Variants in DIAPH2 observed in about 807,000 individuals in gnomAD.
DIAPH2 encodes diaphanous related formin 2.
DIAPH2 carries 35 observed loss-of-function variants against 92.7 expected under a neutral mutation model. The observed-to-expected ratio is 0.38, with a 90% CI of 0.29 to 0.50. The LOEUF is 0.50. Ranked by LOEUF, DIAPH2 falls within the 20% of genes least tolerant of loss-of-function variation. The pLI is 0.94. For missense variants in DIAPH2, 701 were observed against 819.5 expected (o/e 0.86, Z 1.77); for synonymous variants, 301 against 280.4 (o/e 1.07, Z -0.73).
intron 24 of DIAPH2, among the ~76,000 whole-genome samples, chrX:97,350,581 G>T (rs752007298): frequency 1.8e-5 from 2 of 111,788 alleles, no homozygotes. Flanking sequence ...AAAAATGTAA[G>T]AATATTATTG....
chrX:96,939,614 A>C (rs866406764), intron 12 of DIAPH2, among the ~76,000 whole-genome samples: 1 of 59,945 alleles, frequency 1.7e-5, no homozygotes, highest in African/African-American at 5.4e-5. Context: ...ACACACACAC[A>C]CATATACACA....
At chrX:96,947,659 C>T (rs1484741386) in intron 14 of DIAPH2, among the ~76,000 whole-genome samples, 1 of 111,534 alleles carries the variant, frequency 9.0e-6, no homozygotes, top group African/African-American at 3.3e-5. Flanking sequence ...TTTATAATTT[C>T]CAAAGGTCAA....
chrX:97,148,849 C>T (rs893383296), intron 22 of DIAPH2, among the ~76,000 whole-genome samples: 4 of 110,811 alleles, frequency 3.6e-5, no homozygotes, highest in Admixed American at 9.6e-5. Context: ...AGGAGGACAC[C>T]GGTATTTAAC....
chrX:97,461,723 C>G (rs2070460223), intron 26 of DIAPH2, among the ~76,000 whole-genome samples: 1 of 111,668 alleles, frequency 9.0e-6, no homozygotes, highest in South Asian at 3.8e-4. Context: ...CTATTACAGT[C>G]TCCTACACCC....
chrX:96,852,165 G>A lies in DIAPH2; in HGVS notation c.448-29414G>A, dbSNP rs192151986. Among the ~76,000 whole-genome samples, 297 of 111,996 alleles carry A rather than the reference G, an allele frequency of 2.7e-3. 2 individuals are homozygous for A. The highest frequency in any genetic ancestry group is 4.9e-3 in the Non-Finnish European group (261 of 53,193). ...AAAATTTAACAGGTTGAAATAAAAT[G>A]AACATCAGATTTCTCTTTTGATTCA... On this transcript the variant is annotated intron_variant, in intron 4 of 26. Transcript: ENST00000324765.
intron 19 of DIAPH2, among the ~76,000 whole-genome samples, chrX:97,096,472 C>T (rs2066869957): frequency 9.0e-6 from 1 of 111,187 alleles, no homozygotes. Flanking sequence ...CAGGAAATAG[C>T]TTACACATTC....
At chrX:97,495,027 T>A (rs950012415) in intron 26 of DIAPH2, among the ~76,000 whole-genome samples, 1 of 112,668 alleles carries the variant, frequency 8.9e-6, no homozygotes, top group Admixed American at 9.4e-5. Context: ...AAACTAGCCC[T>A]TCAGGCAGTG....
intron 23 of DIAPH2, among the ~76,000 whole-genome samples, chrX:97,309,392 C>T (rs945316739): frequency 1.9e-4 from 21 of 111,361 alleles, no homozygotes; most frequent in Admixed American, 1.9e-4. Flanking sequence ...TGAGCCACCG[C>T]GCCCGGCCAA....
chrX:97,435,117 T>TA (rs1482736536), intron 26 of DIAPH2, among the ~76,000 whole-genome samples: 6 of 111,161 alleles, frequency 5.4e-5, no homozygotes, highest in Non-Finnish European at 1.1e-4. Flanking sequence ...TCTGGTGGAA[T>TA]AAAAAAGGGT....
At chrX:96,961,752 A>T (rs1232671038) in intron 16 of DIAPH2, among the ~76,000 whole-genome samples, 2 of 108,132 alleles carry the variant, frequency 1.8e-5, no homozygotes, top group Non-Finnish European at 3.9e-5. Context: ...ACATTTTTTA[A>T]TTTTTTTCTT....
intron 4 of DIAPH2, among the ~76,000 whole-genome samples, chrX:96,781,285 T>C (rs1056666069): frequency 1.8e-5 from 2 of 111,408 alleles, no homozygotes; most frequent in East Asian, 2.8e-4. Context: ...AAGCAGCCTT[T>C]AGGAAGGCAA....
intron 26 of DIAPH2, among the ~76,000 whole-genome samples, chrX:97,525,397 C>T (rs898285788): frequency 1.8e-5 from 2 of 112,278 alleles, no homozygotes; most frequent in South Asian, 7.5e-4. Context: ...AAACTCAATT[C>T]GGCCCCATCA....
At chrX:97,531,280 A>G (rs984690534) in intron 26 of DIAPH2, among the ~76,000 whole-genome samples, 3 of 107,472 alleles carry the variant, frequency 2.8e-5, no homozygotes, top group South Asian at 4.1e-4. Flanking sequence ...TTCCTTTTCC[A>G]CTACTATTTT....
chrX:97,144,015 G>T (rs2067226166), intron 22 of DIAPH2, among the ~76,000 whole-genome samples: 1 of 111,491 alleles, frequency 9.0e-6, no homozygotes, highest in East Asian at 2.8e-4. Context: ...GGGGGATGAA[G>T]AGTGGTTGGT....
At chrX:97,011,151 T>G (rs2066222330) in intron 17 of DIAPH2, among the ~76,000 whole-genome samples, 2 of 112,480 alleles carry the variant, frequency 1.8e-5, no homozygotes, top group South Asian at 3.7e-4. Context: ...CCTTTTAAAT[T>G]AAACACATGA....
intron 26 of DIAPH2, among the ~76,000 whole-genome samples, chrX:97,534,970 T>C (rs2071085078): frequency 9.1e-6 from 1 of 109,912 alleles, no homozygotes; most frequent in Non-Finnish European, 1.9e-5. Context: ...CAAACCCAAA[T>C]TGAGGGACAT....
chrX:97,015,913 T>TATATATTGA (rs1434922113), intron 17 of DIAPH2, among the ~76,000 whole-genome samples: 1 of 108,612 alleles, frequency 9.2e-6, no homozygotes, highest in Non-Finnish European at 1.9e-5. Context: ...TATTGATCAA[T>TATATATTGA]TCCTCTATGC....
chrX:97,497,032 A>G (rs1219589036), intron 26 of DIAPH2, among the ~76,000 whole-genome samples: 1 of 111,117 alleles, frequency 9.0e-6, no homozygotes. Flanking sequence ...GTTGGACAAG[A>G]AAACACTATC....
intron 1 of DIAPH2, among the ~76,000 whole-genome samples, chrX:96,686,400 A>G (rs1416102503): frequency 9.0e-6 from 1 of 111,524 alleles, no homozygotes; most frequent in East Asian, 2.8e-4. Context: ...GAGAAAAAAA[A>G]AAACACTTAT....
Sources: allele counts gnomAD v4.1 joint callset (sites outside exome capture counted in the v4.1 genomes callset), GRCh38; gene constraint gnomAD v4.1.1; transcripts MANE v1.5; gene names NCBI Gene and HGNC (gene_info 2026-07-23, HGNC 2026-07-21).